Variants in CPEB3 observed in about 807,000 individuals in gnomAD.
CPEB3 encodes the protein cytoplasmic polyadenylation element binding protein 3.
CPEB3 carries 20 observed loss-of-function variants against 67.2 expected under a neutral mutation model. That is an observed-to-expected ratio of 0.30 (90% CI 0.21 to 0.43). CPEB3 has a LOEUF of 0.43. CPEB3 is among the 20% of genes least tolerant of loss of function. CPEB3 has a pLI of 1.00. For synonymous variants in CPEB3, 376 were observed against 393.1 expected (o/e 0.96, Z 0.51); for missense variants, 746 against 968.6 (o/e 0.77, Z 3.05).
intron 4 of CPEB3, among the ~76,000 whole-genome samples, chr10:92,166,262 C>T (rs1306424184): frequency 6.6e-6 from 1 of 152,050 alleles, no homozygotes; most frequent in South Asian, 2.1e-4. Context: ...GCGTGCACCA[C>T]CATGCACGGC....
In CPEB3 at chr10:92,181,020, C is replaced by T; in HGVS notation, c.1166-1G>A. On this transcript the variant is annotated splice_acceptor_variant, in intron 3 of 9. Transcript: ENST00000265997. LOFTEE classifies it high-confidence loss of function. ...TGATGGAAATTTATCCCCATGCGTC[C>T]TAAAAAATAAAATAATTTTAAGCAA... is the stretch of plus-strand genomic sequence containing the variant. 6.7e-7 allele frequency: 1 copy of T among 1,482,524 alleles called. No homozygotes were observed. Among genetic ancestry groups the T allele is most frequent in the Non-Finnish European group, 9.4e-7 (1 of 1,063,042 alleles). 91.8% of individuals were successfully genotyped at this position (1,482,524 alleles called of 1,614,324 possible). A position where few individuals can be genotyped will look rare whatever the true frequency, so the allele number is the denominator to read the frequency against.
intron 4 of CPEB3, among the ~76,000 whole-genome samples, chr10:92,148,621 C>T (rs183402053): frequency 2.0e-4 from 31 of 152,152 alleles, no homozygotes; most frequent in African/African-American, 7.5e-4. Flanking sequence ...TCTTGTTCAC[C>T]ACTGTATCTT....
intron 2 of CPEB3, among the ~76,000 whole-genome samples, chr10:92,203,912 C>T (rs534331861): frequency 2.6e-5 from 4 of 152,254 alleles, no homozygotes; most frequent in Admixed American, 6.5e-5. Context: ...CAACATGCAC[C>T]TTTTACATTT....
rs898495407 is a variant in CPEB3 at position 92,271,851 on chromosome 10, G to A, written c.-12+19075C>T. Among the ~76,000 whole-genome samples the A allele has an allele frequency of 1.4e-4, 22 of 151,984 alleles. No individual in the cohort carries two copies. The East Asian group carries it at 2.3e-3, about 16-fold the overall frequency. ...TAGCATCCATTAATGATTCTTACCC[G>A]CATCATTTATTCTTGTGGTGTTTGC... On this transcript the variant is annotated intron_variant, in intron 1 of 9. Transcript: ENST00000265997.
chr10:92,069,959 A>G (rs1369301681), intron 9 of CPEB3, among the ~76,000 whole-genome samples: 1 of 152,248 alleles, frequency 6.6e-6, no homozygotes, highest in African/African-American at 2.4e-5. Flanking sequence ...CTACATGGAC[A>G]TGCAGTTGCT....
intron 2 of CPEB3, among the ~76,000 whole-genome samples, chr10:92,227,682 C>G (rs1276940864): frequency 7.3e-6 from 1 of 136,916 alleles, no homozygotes; most frequent in African/African-American, 2.5e-5. Flanking sequence ...GCTCCGCCCC[C>G]CGGGGTTCAC....
chr10:92,286,627 T>C (rs1842539653), intron 1 of CPEB3, among the ~76,000 whole-genome samples: 1 of 149,684 alleles, frequency 6.7e-6, no homozygotes, highest in South Asian at 2.1e-4. Flanking sequence ...AATTTGCTAC[T>C]AGCATACCTA....
chr10:92,240,754 C>A (rs889808245), intron 1 of CPEB3, among the ~76,000 whole-genome samples: 1 of 152,288 alleles, frequency 6.6e-6, no homozygotes, highest in South Asian at 2.1e-4. Context: ...CACCCTCCCC[C>A]ACTTATTTGC....
intron 3 of CPEB3, among the ~76,000 whole-genome samples, chr10:92,188,326 A>T (rs1252122548): frequency 1.9e-4 from 28 of 145,454 alleles, no homozygotes; most frequent in African/African-American, 6.8e-4. Context: ...ATAGTAAAAA[A>T]AAAAAAAAAA....
chr10:92,137,489 C>A, intron 6 of CPEB3: 1 of 1,097,876 alleles, frequency 9.1e-7, no homozygotes, highest in Non-Finnish European at 1.3e-6. Flanking sequence ...GTTTTGCTAT[C>A]AGCCACAAGG....
chr10:92,194,312 T>C (rs894608717), intron 2 of CPEB3, among the ~76,000 whole-genome samples: 1 of 151,778 alleles, frequency 6.6e-6, no homozygotes, highest in Admixed American at 6.6e-5. Flanking sequence ...TGCTGGTGCG[T>C]GCCTGTAATC....
At chr10:92,277,272 G>A (rs973927010) in intron 1 of CPEB3, among the ~76,000 whole-genome samples, 3 of 152,182 alleles carry the variant, frequency 2.0e-5, no homozygotes, top group African/African-American at 2.4e-5. Context: ...TATAGTGTGA[G>A]ATCTTACATT....
intron 4 of CPEB3, among the ~76,000 whole-genome samples, chr10:92,176,040 G>A (rs1187489004): frequency 2.6e-5 from 4 of 151,866 alleles, no homozygotes; most frequent in Non-Finnish European, 4.4e-5. Flanking sequence ...GCAATGAGCC[G>A]AGATTACACC....
At position 92,261,189 on chromosome 10, in the gene CPEB3, A is replaced by G. The variant is rs79452329; in HGVS notation, c.-11-20828T>C. Among the ~76,000 whole-genome samples the G allele has an allele frequency of 2.9e-3, 449 of 152,294 alleles. 2 individuals carry two copies. The highest frequency in any genetic ancestry group is 0.01 in the African/African-American group (425 of 41,558). On this transcript the variant is annotated intron_variant, in intron 1 of 9. Transcript: ENST00000265997. ...TATTTGTGTAATATCAGTGTCTTAC[A>G]TTCACAAAGGCATTAGACTTTATCT...
At chr10:92,199,410 A>AT (rs1411821604) in intron 2 of CPEB3, among the ~76,000 whole-genome samples, 24 of 133,184 alleles carry the variant, frequency 1.8e-4, no homozygotes, top group African/African-American at 6.0e-4. Context: ...AAAAAAAAAA[A>AT]GGCCAGGCGC....
Position 92,047,094 on chromosome 10 carries a change from C to T in CPEB3, c.*5118G>A, listed in dbSNP as rs904206861. On this transcript the variant is annotated 3_prime_UTR_variant, in exon 10 of 10. Transcript: ENST00000265997. The stretch of plus-strand genomic sequence containing the variant: ...TATCCTGTGTTAGCACCCAAGTTTT[C>T]TACTTGTTGCAATTAACTTTGTCGT... The T allele has an allele frequency of 2.0e-5, 3 of 152,178 alleles. No individual in the cohort carries two copies. Among genetic ancestry groups the T allele is most frequent in the African/African-American group, 4.8e-5 (2 of 41,448 alleles). 9.4% of individuals were successfully genotyped at this position (152,178 alleles called of 1,614,324 possible). A position where few individuals can be genotyped will look rare whatever the true frequency, so the allele number is the denominator to read the frequency against.
At chr10:92,132,704 C>G (rs965412873) in intron 6 of CPEB3, among the ~76,000 whole-genome samples, 2 of 152,176 alleles carry the variant, frequency 1.3e-5, no homozygotes, top group Admixed American at 1.3e-4. Flanking sequence ...CCCAAATCAA[C>G]AGAACATACG....
intron 1 of CPEB3, among the ~76,000 whole-genome samples, chr10:92,289,533 C>A (rs1475676329): frequency 6.6e-6 from 1 of 151,498 alleles, no homozygotes; most frequent in Non-Finnish European, 1.5e-5. Context: ...CAGAGCAAGA[C>A]TCCATCTCTC....
In CPEB3 at chr10:92,240,140, T is replaced by C. The variant is rs776262983; in HGVS notation, c.211A>G (p.Met71Val). The change falls in exon 2 of 10, where the codon ATG becomes GTG. Residue 71 changes from methionine (M) to valine (V), a missense_variant. Around this residue, in one of 2 missense-constraint regions of CPEB3, gnomAD observed 643 missense variants for 717.5 expected, o/e 0.90. Coordinates refer to ENST00000265997, the MANE Select transcript of CPEB3 (RefSeq NM_014912.5). Reference protein sequence around the residue: ...APPAPNGPDKMQMESPLLPGL... With the variant: ...APPAPNGPDKVQMESPLLPGL... ...GGCAGGAGCGGTGATTCCATCTGCA[T>C]CTTGTCCGGGCCGTTGGGGGCCGGG... 4 of 1,568,612 alleles carry C rather than the reference T, an allele frequency of 2.6e-6. No homozygotes were observed. In the Admixed American group the frequency reaches 7.6e-5, roughly 30 times the overall value.
Sources: gnomAD v4.1 joint callset for allele counts (sites outside exome capture counted in the v4.1 genomes callset) on GRCh38, gnomAD v4.1.1 for gene constraint, gnomAD v4.1.1 regional missense constraint, MANE v1.5 for transcripts, NCBI Gene and HGNC (gene_info 2026-07-23, HGNC 2026-07-21) for gene names.